USP49: variants seen among roughly 807,000 people sequenced by gnomAD.
USP49 encodes ubiquitin specific peptidase 49.
In USP49, 24 loss-of-function variants were observed where a neutral mutation model predicts 58.6. That is an observed-to-expected ratio of 0.41 (90% CI 0.30 to 0.58). The LOEUF (loss-of-function observed/expected upper bound fraction) is 0.58, where lower values mean the gene tolerates loss of function less well. Ranked by LOEUF, USP49 falls within the 20% of genes least tolerant of loss-of-function variation. The probability of loss-of-function intolerance (pLI) is 0.30; values close to 1 mark genes in which losing one functional copy is unlikely to be tolerated. For missense variants in USP49, 703 were observed against 866.1 expected (o/e 0.81, Z 2.36); for synonymous variants, 408 against 365.1 (o/e 1.12, Z -1.34).
intron 3 of USP49, among the ~76,000 whole-genome samples, chr6:41,849,625 T>G (rs994569331): frequency 2.6e-5 from 4 of 151,632 alleles, no homozygotes; most frequent in African/African-American, 7.3e-5. Flanking sequence ...TTTTTTTTTT[T>G]GGAGACTGAG....
chr6:41,837,586 A>G (rs1400758519), intron 3 of USP49, among the ~76,000 whole-genome samples: 1 of 152,218 alleles, frequency 6.6e-6, no homozygotes, highest in Non-Finnish European at 1.5e-5. Context: ...TTGCAGCAAA[A>G]GCAAAAATTG....
intron 3 of USP49, among the ~76,000 whole-genome samples, chr6:41,837,436 A>G (rs939915117): frequency 6.6e-6 from 1 of 152,238 alleles, no homozygotes; most frequent in Non-Finnish European, 1.5e-5. Flanking sequence ...TCTTCCTTAC[A>G]CCATCTACAA....
In USP49 at chr6:41,806,711, G is replaced by C; in HGVS notation, c.273C>G (p.Asp91Glu). Residue 91 changes from aspartate to glutamate, a missense_variant, in exon 4 of 8, where the codon GAC (aspartate) becomes GAG (glutamate). Physicochemically the swap from Asp to Glu is conservative, Grantham distance 45. This residue lies in a region of USP49 where 376 missense variants were observed against 373.5 expected (regional missense o/e 1.01). Transcript: ENST00000682992. The surrounding 1 kb of genome is among the most constrained non-coding windows in gnomAD (Gnocchi z 5.9). ...GGAGGGAGCTTCTTAGCAGCTTCAGGTCCCCCTCTGGGTTATCATTGAGCA... is the reference window on the plus strand; with the variant it reads ...GGAGGGAGCTTCTTAGCAGCTTCAGCTCCCCCTCTGGGTTATCATTGAGCA... ...DYVLNDNPEGDLKLLRSSLLA... is the reference protein window; with the variant it reads ...DYVLNDNPEGELKLLRSSLLA... 6.2e-7 allele frequency: 1 copy of C among 1,614,236 alleles called. No individual in the cohort carries two copies. The highest frequency in any genetic ancestry group is 1.1e-5 in the South Asian group (1 of 91,086).
At chr6:41,833,020 CTTTTTTTT>C (rs200870810) in intron 3 of USP49, 1 of 138,428 alleles carries the variant, frequency 7.2e-6, no homozygotes, top group Non-Finnish European at 1.6e-5. Flanking sequence ...TTTCTTTTTT[CTTTTTTTT>C]TTTTTTGAGA....
intron 3 of USP49, among the ~76,000 whole-genome samples, chr6:41,820,807 C>G (rs904408783): frequency 6.6e-6 from 1 of 152,132 alleles, no homozygotes; most frequent in Non-Finnish European, 1.5e-5. Flanking sequence ...CAAGACCAGC[C>G]TGGACAATAT....
chr6:41,806,350 G>A lies in USP49; in HGVS notation c.634C>T (p.Leu212Phe). 6.5e-7 allele frequency: 1 copy of A among 1,529,906 alleles called. No individual in the cohort carries two copies. Among genetic ancestry groups the A allele is most frequent in the Non-Finnish European group, 8.7e-7 (1 of 1,150,118 alleles). The allele number at this position is 1,529,906 out of a possible 1,614,324, so 94.8% of individuals were successfully genotyped here. ...CCCGCGTCGCGGGGCGTGTGCAGGAGCAGCCGTGCACTCTTGCGCGGAGGG... is the reference window on the plus strand; with the variant it reads ...CCCGCGTCGCGGGGCGTGTGCAGGAACAGCCGTGCACTCTTGCGCGGAGGG... ...STPPRKSARL[L>F]LHTPRDAGPA... Residue 212 changes from leucine (L) to phenylalanine (F), a missense_variant, in exon 4 of 8, where the codon CTC (leucine) becomes TTC (phenylalanine). Leu to Phe is a conservative substitution (Grantham distance 22, BLOSUM62 0). This residue lies in a region of USP49 where 376 missense variants were observed against 373.5 expected (regional missense o/e 1.01). Coordinates refer to ENST00000682992, the MANE Select transcript of USP49 (RefSeq NM_001286554.2). This position sits in a 1 kb window ranked among gnomAD's most constrained non-coding sequence, Gnocchi z 5.9.
At chr6:41,830,140 A>AT (rs1012848302) in intron 3 of USP49, among the ~76,000 whole-genome samples, 1 of 152,206 alleles carries the variant, frequency 6.6e-6, no homozygotes, top group Non-Finnish European at 1.5e-5. Flanking sequence ...TTCTTATAAT[A>AT]TACTGACCTT....
chr6:41,806,121 T>C lies in USP49; in HGVS notation c.863A>G (p.Lys288Arg). The C allele has an allele frequency of 1.2e-6, 2 of 1,613,892 alleles. No individual in the cohort carries two copies. Among genetic ancestry groups the C allele is most frequent in the Non-Finnish European group, 1.7e-6 (2 of 1,180,018 alleles). ...RECFLNLDPS[K>R]TEHLFPKATN... is the part of the protein sequence containing the mutation. Reference sequence around the variant, plus strand: ...GGCTTTGGGAAACAGATGTTCCGTTTTGGAAGGGTCAAGGTTGAGGAAACA... The same window carrying C: ...GGCTTTGGGAAACAGATGTTCCGTTCTGGAAGGGTCAAGGTTGAGGAAACA... Residue 288 changes from lysine (K) to arginine (R), a missense_variant, in exon 4 of 8, where the codon AAA (lysine) becomes AGA (arginine). By Grantham distance (26) the Lys-to-Arg change is conservative. Coordinates refer to ENST00000682992, the MANE Select transcript of USP49 (RefSeq NM_001286554.2). This position sits in a 1 kb window ranked among gnomAD's most constrained non-coding sequence, Gnocchi z 5.9.
intron 5 of USP49, 94 bp from the exon 6 acceptor site, chr6:41,800,032 A>G (rs1561901754): frequency 4.4e-6 from 5 of 1,130,796 alleles, no homozygotes; most frequent in Non-Finnish European, 6.6e-6. Flanking sequence ...TGCATTCTCC[A>G]TATTTCTCAG....
At chr6:41,832,331 GT>G (rs1773648797) in intron 3 of USP49, among the ~76,000 whole-genome samples, 1 of 152,112 alleles carries the variant, frequency 6.6e-6, no homozygotes. Flanking sequence ...TTCTCTCCCA[GT>G]TCTAGCTCCT....
chr6:41,818,360 C>T (rs200335678), intron 3 of USP49, among the ~76,000 whole-genome samples: 17 of 152,066 alleles, frequency 1.1e-4, no homozygotes, highest in Admixed American at 7.2e-4. Context: ...CACACACATG[C>T]GCACACACAC....
At chr6:41,823,259 G>A (rs1561909781) in intron 3 of USP49, among the ~76,000 whole-genome samples, 1 of 152,086 alleles carries the variant, frequency 6.6e-6, no homozygotes, top group Non-Finnish European at 1.5e-5. Context: ...ACCTTTTGGG[G>A]AAAAAAATCA....
At chr6:41,812,889 T>A (rs891808961) in intron 3 of USP49, among the ~76,000 whole-genome samples, 2 of 152,230 alleles carry the variant, frequency 1.3e-5, no homozygotes, top group African/African-American at 4.8e-5. Context: ...ATATTCTCTA[T>A]GTATCATCAA....
rs1054280069 is a variant in USP49 at position 41,795,796 on chromosome 6, G to A, written c.*737C>T. The A allele has an allele frequency of 7.2e-5, 11 of 152,204 alleles. No individual in the cohort carries two copies. Among genetic ancestry groups the A allele is most frequent in the African/African-American group, 1.2e-4 (5 of 41,440 alleles). The allele number at this position is 152,204 out of a possible 1,614,324, so 9.4% of individuals were successfully genotyped here. The stretch of plus-strand genomic sequence containing the variant: ...TGTCCTTTGGCTCAGCATGGAACAT[G>A]TGCTAGTCTATTGCTTCTTTATATG... On this transcript the variant is annotated 3_prime_UTR_variant, in exon 8 of 8. Transcript: ENST00000682992.
intron 4 of USP49, 129 bp downstream of exon 4, chr6:41,805,499 C>G (rs1262112603): frequency 2.0e-6 from 2 of 1,009,120 alleles, no homozygotes; most frequent in Non-Finnish European, 2.9e-6. Flanking sequence ...GTATAATGGC[C>G]ACCCTCCAAA....
intron 3 of USP49, among the ~76,000 whole-genome samples, chr6:41,807,924 C>G (rs1329484720): frequency 6.6e-6 from 1 of 151,660 alleles, no homozygotes; most frequent in Admixed American, 6.6e-5. Flanking sequence ...CAGGTGCGCG[C>G]ACCACCACAC....
intron 1 of USP49, among the ~76,000 whole-genome samples, chr6:41,892,753 G>GA (rs1195386240): frequency 2.7e-5 from 4 of 150,378 alleles, no homozygotes; most frequent in African/African-American, 4.9e-5. Flanking sequence ...ACCCAACTTT[G>GA]AAAAAAAAAG....
At chr6:41,840,731 CAA>C (rs1427665759) in intron 3 of USP49, among the ~76,000 whole-genome samples, 1 of 152,060 alleles carries the variant, frequency 6.6e-6, no homozygotes, top group Non-Finnish European at 1.5e-5. Flanking sequence ...TATAATTTGT[CAA>C]AGTCTTAGCC....
At chr6:41,838,599 T>C (rs1773767456) in intron 3 of USP49, among the ~76,000 whole-genome samples, 1 of 152,200 alleles carries the variant, frequency 6.6e-6, no homozygotes, top group Non-Finnish European at 1.5e-5. Flanking sequence ...GATCACTCTG[T>C]GGTATAAATA....
Sources: gnomAD v4.1 joint callset for allele counts (sites outside exome capture counted in the v4.1 genomes callset) on GRCh38, gnomAD v4.1.1 for gene constraint, gnomAD v4.1.1 regional missense constraint, Gnocchi (gnomAD v3.1) non-coding constraint, MANE v1.5 for transcripts, NCBI Gene and HGNC (gene_info 2026-07-23, HGNC 2026-07-21) for gene names.